EYS: variants seen among roughly 807,000 people sequenced by gnomAD.
EYS encodes the protein EGF-like photoreceptor maintenance factor, also known as protein eyes shut homolog.
In EYS, 250 loss-of-function variants were observed where a neutral mutation model predicts 282.1. The ratio of observed to expected loss-of-function variants is 0.89; its 90% CI spans 0.80 to 0.98. The LOEUF (loss-of-function observed/expected upper bound fraction) is 0.98, where lower values mean the gene tolerates loss of function less well. Ranked by LOEUF, EYS falls within the 50% of genes least tolerant of loss-of-function variation. The pLI is 0.00. For missense variants in EYS, 4,016 were observed against 3,709.0 expected (o/e 1.08, Z -2.15); for synonymous variants, 1,355 against 1,282.9 (o/e 1.06, Z -1.20).
chr6:65,355,994 A>C, intron 8 of EYS, among the ~76,000 whole-genome samples: 1 of 152,114 alleles, frequency 6.6e-6, no homozygotes, highest in East Asian at 1.9e-4. Flanking sequence ...CGCAAAGGAA[A>C]AGAAATCATT....
chr6:65,637,548 G>T (rs1242344134), intron 2 of EYS, among the ~76,000 whole-genome samples: 1 of 152,154 alleles, frequency 6.6e-6, no homozygotes, highest in Non-Finnish European at 1.5e-5. Context: ...CAGCCACCCA[G>T]CTGTGGCGCT....
chr6:64,102,118 C>T (rs954458948), intron 31 of EYS, among the ~76,000 whole-genome samples: 2 of 152,020 alleles, frequency 1.3e-5, no homozygotes, highest in South Asian at 2.1e-4. Context: ...TACCATGGCC[C>T]GGGTGCTAGG....
intron 14 of EYS, among the ~76,000 whole-genome samples, chr6:64,973,622 T>G (rs902742135): frequency 6.6e-6 from 1 of 151,948 alleles, no homozygotes; most frequent in Non-Finnish European, 1.5e-5. Context: ...GTGCATAAAC[T>G]AATCTAGAAA....
intron 26 of EYS, among the ~76,000 whole-genome samples, chr6:64,517,573 C>G (rs1777600145): frequency 6.6e-6 from 1 of 151,610 alleles, no homozygotes; most frequent in Non-Finnish European, 1.5e-5. Context: ...CGGACAAGAG[C>G]CTAGGTAGCA....
intron 14 of EYS, among the ~76,000 whole-genome samples, chr6:64,947,418 T>A (rs1769323249): frequency 6.6e-6 from 1 of 151,902 alleles, no homozygotes; most frequent in African/African-American, 2.4e-5. Context: ...TGGTTTTCCA[T>A]GCTAGGTATT....
At chr6:65,230,948 A>C (rs1222906637) in intron 12 of EYS, among the ~76,000 whole-genome samples, 1 of 150,818 alleles carries the variant, frequency 6.6e-6, no homozygotes, top group Admixed American at 6.7e-5. Context: ...TATATATTTC[A>C]TACTAGGCTT....
At chr6:65,447,775 A>G (rs1768731321) in intron 5 of EYS, among the ~76,000 whole-genome samples, 1 of 152,064 alleles carries the variant, frequency 6.6e-6, no homozygotes, top group Non-Finnish European at 1.5e-5. Flanking sequence ...TAAATAACTA[A>G]TGAATCATGA....
In EYS at chr6:64,470,998, A is replaced by C. The variant is rs115033295; in HGVS notation, c.5645-31646T>G. Reference sequence around the variant, plus strand: ...AAAAAGCTGAAGGATCCCCAAATAGACTCAACCCAAAAAGCCTTCTTCCAA... The same window carrying C: ...AAAAAGCTGAAGGATCCCCAAATAGCCTCAACCCAAAAAGCCTTCTTCCAA... On this transcript the variant is annotated intron_variant, in intron 26 of 42. Transcript: ENST00000503581. 4.4e-3 allele frequency among the ~76,000 whole-genome samples: 663 copies of C among 152,282 alleles called. 5 individuals carry two copies. Among genetic ancestry groups the C allele is most frequent in the African/African-American group, 0.015 (616 of 41,564 alleles).
chr6:63,931,448 A>G (rs754858916), intron 35 of EYS, among the ~76,000 whole-genome samples: 1 of 151,868 alleles, frequency 6.6e-6, no homozygotes, highest in African/African-American at 2.4e-5. Context: ...TCTTTTTGTA[A>G]TTGCTCTACT....
At chr6:65,437,515 T>C (rs912865885) in intron 5 of EYS, among the ~76,000 whole-genome samples, 1 of 152,294 alleles carries the variant, frequency 6.6e-6, no homozygotes, top group African/African-American at 2.4e-5. Context: ...ATAAAGATAC[T>C]AATTTAGATT....
intron 1 of EYS, among the ~76,000 whole-genome samples, chr6:65,671,961 C>T (rs1213773400): frequency 6.6e-6 from 1 of 152,046 alleles, no homozygotes; most frequent in African/African-American, 2.4e-5. Flanking sequence ...CAGAGGCAGC[C>T]CTTTGAACTA....
At chr6:64,450,212 T>A (rs1775274919) in intron 26 of EYS, among the ~76,000 whole-genome samples, 1 of 151,948 alleles carries the variant, frequency 6.6e-6, no homozygotes, top group South Asian at 2.1e-4. Flanking sequence ...GCAATCCTAG[T>A]CTCTGATAAA....
intron 11 of EYS, among the ~76,000 whole-genome samples, chr6:65,296,526 C>CTA (rs748593861): frequency 7.7e-4 from 116 of 151,048 alleles, no homozygotes; most frequent in Non-Finnish European, 1.1e-3. Context: ...TTTGTCACAA[C>CTA]TATATATATA....
chr6:64,213,879 A>T (rs1390424099), intron 31 of EYS, among the ~76,000 whole-genome samples: 2 of 152,164 alleles, frequency 1.3e-5, no homozygotes, highest in East Asian at 3.9e-4. Context: ...GCTTTCAAAC[A>T]TATGTTCAAA....
chr6:65,155,532 C>T (rs540054695), intron 12 of EYS, among the ~76,000 whole-genome samples: 1 of 151,396 alleles, frequency 6.6e-6, no homozygotes, highest in Non-Finnish European at 1.5e-5. Flanking sequence ...GTCTTGGAAA[C>T]GTTTGCTGAA....
At chr6:65,300,713 G>C (rs949776607) in intron 11 of EYS, 3 of 152,126 alleles carry the variant, frequency 2.0e-5, no homozygotes, top group Non-Finnish European at 4.4e-5. Context: ...AAAGAGACCT[G>C]GCTGATTTGT....
intron 12 of EYS, among the ~76,000 whole-genome samples, chr6:65,103,457 T>C (rs1396593888): frequency 6.6e-6 from 1 of 151,348 alleles, no homozygotes; most frequent in Non-Finnish European, 1.5e-5. Context: ...CACTGACCTT[T>C]TCATTCAAAA....
chr6:64,347,457 G>A (rs606191), intron 29 of EYS, among the ~76,000 whole-genome samples: 103,742 of 151,144 alleles, frequency 0.69, 35,644 homozygotes, highest in South Asian at 0.71. Context: ...TCTGAAGATG[G>A]AGGGTGTAGT....
chr6:64,111,966 C>A (rs1773219413), intron 31 of EYS, among the ~76,000 whole-genome samples: 1 of 151,946 alleles, frequency 6.6e-6, no homozygotes, highest in South Asian at 2.1e-4. Context: ...CTCATAAGGA[C>A]AGATATTTAT....
Sources: allele counts gnomAD v4.1 joint callset (sites outside exome capture counted in the v4.1 genomes callset), GRCh38; gene constraint gnomAD v4.1.1; transcripts MANE v1.5; gene names NCBI Gene and HGNC (gene_info 2026-07-23, HGNC 2026-07-21).